The following DRC11 variants were observed in gnomAD, a reference collection of about 807,000 sequenced individuals.
The protein encoded by DRC11 is IQ and AAA domain-containing protein 1.
the DRC11 span, among the ~76,000 whole-genome samples, chr2:236,415,154 T>TAGG: frequency 2.0e-4 from 30 of 152,192 alleles, no homozygotes; most frequent in African/African-American, 4.6e-4. The surrounding 1 kb of genome is among the most constrained non-coding windows in gnomAD (Gnocchi z 5.7). Context: ...GATTATCCTA[T>TAGG]CTAATCCTAT....
chr2:236,491,216 ACAG>A, the DRC11 span, among the ~76,000 whole-genome samples: 5 of 50,698 alleles, frequency 9.9e-5, no homozygotes, highest in African/African-American at 4.5e-4. Flanking sequence ...ATATATACAC[ACAG>A]TATATATATA....
the DRC11 span, among the ~76,000 whole-genome samples, chr2:236,472,464 G>A: frequency 2.6e-5 from 4 of 152,150 alleles, no homozygotes; most frequent in African/African-American, 7.2e-5. This position sits in a 1 kb window ranked among gnomAD's most constrained non-coding sequence, Gnocchi z 4.6. Context: ...AGGCCAGGAC[G>A]TTTTATAGTT....
chr2:236,341,747 T>C, the DRC11 span, among the ~76,000 whole-genome samples: 235 of 152,304 alleles, frequency 1.5e-3, 1 homozygote, highest in African/African-American at 5.5e-3. Flanking sequence ...CAGCCTGTGC[T>C]GTGTGTGGTG....
chr2:236,379,821 T>C, the DRC11 span, among the ~76,000 whole-genome samples: 8 of 29,290 alleles, frequency 2.7e-4, no homozygotes, highest in Non-Finnish European at 4.7e-4. Context: ...GGAGGGAACC[T>C]CCAAACAGGG....
the DRC11 span, among the ~76,000 whole-genome samples, chr2:236,382,256 G>A: frequency 2.0e-5 from 3 of 152,176 alleles, no homozygotes. Context: ...AGGTAGGCAT[G>A]TTTGTGTGGG....
the DRC11 span, among the ~76,000 whole-genome samples, chr2:236,504,496 T>C: frequency 1.1e-4 from 16 of 152,162 alleles, no homozygotes; most frequent in Non-Finnish European, 1.5e-5. The surrounding 1 kb of genome is among the most constrained non-coding windows in gnomAD (Gnocchi z 5.0). Context: ...GCTCTACATT[T>C]AAAATAGAAA....
chr2:236,442,175 C>T, the DRC11 span, among the ~76,000 whole-genome samples: 1 of 152,036 alleles, frequency 6.6e-6, no homozygotes, highest in Non-Finnish European at 1.5e-5. Flanking sequence ...AAAGTAAGCT[C>T]ATTATATGTT....
chr2:236,388,405 ATTCAT>A, the DRC11 span, among the ~76,000 whole-genome samples: 1 of 149,340 alleles, frequency 6.7e-6, no homozygotes, highest in Admixed American at 6.7e-5. Flanking sequence ...GCTTCATTTC[ATTCAT>A]TTCATCTTCC....
the DRC11 span, among the ~76,000 whole-genome samples, chr2:236,445,316 G>T: frequency 6.6e-6 from 1 of 151,974 alleles, no homozygotes. This position sits in a 1 kb window ranked among gnomAD's most constrained non-coding sequence, Gnocchi z 4.8. Flanking sequence ...TTTTGGCAAA[G>T]ATAATATTAA....
chr2:236,443,862 G>A, the DRC11 span, among the ~76,000 whole-genome samples: 116 of 152,204 alleles, frequency 7.6e-4, 1 homozygote, highest in African/African-American at 2.7e-3. The surrounding 1 kb of genome is among the most constrained non-coding windows in gnomAD (Gnocchi z 4.4). Context: ...GTTGTTTCCA[G>A]ACTCTTTTAT....
chr2:236,397,179 C>T, the DRC11 span, among the ~76,000 whole-genome samples: 41 of 152,224 alleles, frequency 2.7e-4, no homozygotes, highest in Non-Finnish European at 5.3e-4. The surrounding 1 kb of genome is among the most constrained non-coding windows in gnomAD (Gnocchi z 5.0). Context: ...GTGTTCTTTT[C>T]CTAGTGTCTA....
the DRC11 span, among the ~76,000 whole-genome samples, chr2:236,310,553 G>T: frequency 5.3e-5 from 8 of 152,362 alleles, no homozygotes; most frequent in Non-Finnish European, 7.3e-5. The surrounding 1 kb of genome is among the most constrained non-coding windows in gnomAD (Gnocchi z 5.5). Flanking sequence ...GCATAGAGCA[G>T]AAATAATTTG....
At chr2:236,344,719 G>A in the DRC11 span, 47 of 1,071,090 alleles carry the variant, frequency 4.4e-5, no homozygotes, top group South Asian at 1.2e-4. Flanking sequence ...TTGTAAATGC[G>A]CTTCCTTCTG....
the DRC11 span, among the ~76,000 whole-genome samples, chr2:236,309,228 G>C: frequency 6.6e-6 from 1 of 152,200 alleles, no homozygotes; most frequent in East Asian, 1.9e-4. The surrounding 1 kb of genome is among the most constrained non-coding windows in gnomAD (Gnocchi z 5.7). Context: ...CCCTGGCCCT[G>C]TCAGTCCACA....
the DRC11 span, chr2:236,419,294 T>C: frequency 6.6e-7 from 1 of 1,519,610 alleles, no homozygotes; most frequent in Admixed American, 2.4e-5. The surrounding 1 kb of genome is among the most constrained non-coding windows in gnomAD (Gnocchi z 4.8). Flanking sequence ...AAAATAATCA[T>C]ACCATTTTCA....
At chr2:236,398,624 T>C in the DRC11 span, among the ~76,000 whole-genome samples, 3 of 152,292 alleles carry the variant, frequency 2.0e-5, no homozygotes, top group East Asian at 5.8e-4. The surrounding 1 kb of genome is among the most constrained non-coding windows in gnomAD (Gnocchi z 6.2). Context: ...GAGGGCACAG[T>C]AGAACCACAG....
chr2:236,483,996 A>G, the DRC11 span, among the ~76,000 whole-genome samples: 2 of 152,338 alleles, frequency 1.3e-5, no homozygotes, highest in East Asian at 3.9e-4. This position sits in a 1 kb window ranked among gnomAD's most constrained non-coding sequence, Gnocchi z 4.8. Context: ...CATAGTGGTG[A>G]CCACTTTATT....
the DRC11 span, among the ~76,000 whole-genome samples, chr2:236,322,404 C>T: frequency 0.15 from 16,532 of 109,508 alleles, 2,295 homozygotes; most frequent in African/African-American, 0.46. Context: ...CCGGCTAATT[C>T]TTTTTTTCTT....
the DRC11 span, among the ~76,000 whole-genome samples, chr2:236,315,250 G>A: frequency 1.3e-5 from 2 of 152,216 alleles, no homozygotes; most frequent in Non-Finnish European, 2.9e-5. The surrounding 1 kb of genome is among the most constrained non-coding windows in gnomAD (Gnocchi z 5.1). Flanking sequence ...TGGTGCTGGA[G>A]CTTTGGGTCA....
Sources: gnomAD v4.1 joint callset for allele counts (sites outside exome capture counted in the v4.1 genomes callset) on GRCh38, gnomAD v4.1.1 for gene constraint, Gnocchi (gnomAD v3.1) non-coding constraint, MANE v1.5 for transcripts, NCBI Gene and HGNC (gene_info 2026-07-23, HGNC 2026-07-21) for gene names.